The following FAM120A variants were observed in gnomAD, a reference collection of about 807,000 sequenced individuals.
FAM120A encodes family with sequence similarity 120 member A.
Under a neutral mutation model 109.7 loss-of-function variants are expected in FAM120A, and 15 were observed. That is an observed-to-expected ratio of 0.14 (90% confidence interval 0.09 to 0.21). FAM120A has a LOEUF of 0.21. FAM120A is among the 10% of genes least tolerant of loss of function. FAM120A has a pLI of 1.00. For missense variants in FAM120A, 899 were observed against 1,439.3 expected (o/e 0.62, Z 6.07); for synonymous variants, 493 against 572.8 (o/e 0.86, Z 1.99).
intron 10 of FAM120A, among the ~76,000 whole-genome samples, chr9:93,535,745 T>G (rs1177475082): frequency 6.6e-6 from 1 of 152,204 alleles, no homozygotes; most frequent in Non-Finnish European, 1.5e-5. Flanking sequence ...ATTATCACTG[T>G]AATTGGAACA....
In FAM120A at chr9:93,532,147, A is replaced by G. The variant is rs752408338; in HGVS notation, c.1735-8A>G. On this transcript the variant is annotated splice_polypyrimidine_tract_variant and splice_region_variant and intron_variant, in intron 9 of 17. Transcript: ENST00000277165. This position sits in a 1 kb window ranked among gnomAD's most constrained non-coding sequence, Gnocchi z 4.3. ...GTGCAATGTTATTCTGCTTTCTTCC[A>G]TGCAAAGGGTGAAATCAAAATTGCT... 3 of 1,612,904 alleles carry G rather than the reference A, an allele frequency of 1.9e-6. No individual in the cohort carries two copies. Among genetic ancestry groups the G allele is most frequent in the South Asian group, 1.1e-5 (1 of 90,874 alleles).
chr9:93,543,480 C>T lies in FAM120A; in HGVS notation c.2159+9C>T. ...CTCTGCTGCGTCTTACGGTGGGTGC[C>T]ATGCATGGGAGCTGGGACCTGGGTC... On this transcript the variant is annotated intron_variant, in intron 11 of 17. Coordinates refer to ENST00000277165, the MANE Select transcript of FAM120A (RefSeq NM_014612.5). The T allele has an allele frequency of 1.2e-6, 2 of 1,610,288 alleles. No individual in the cohort carries two copies. The highest frequency in any genetic ancestry group is 1.7e-6 in the Non-Finnish European group (2 of 1,176,884).
At chr9:93,559,525 G>A (rs1018674251) in intron 15 of FAM120A, among the ~76,000 whole-genome samples, 7 of 152,256 alleles carry the variant, frequency 4.6e-5, no homozygotes, top group African/African-American at 1.7e-4. Context: ...GTGACTTGCA[G>A]ATTTGGCGAC....
chr9:93,483,165 G>A (rs1005753834), intron 3 of FAM120A, among the ~76,000 whole-genome samples: 2 of 152,152 alleles, frequency 1.3e-5, no homozygotes, highest in African/African-American at 4.8e-5. Flanking sequence ...GGGTAGTTCT[G>A]AATTCTGTGA....
intron 10 of FAM120A, among the ~76,000 whole-genome samples, chr9:93,540,062 A>G (rs574662492): frequency 2.0e-4 from 30 of 152,316 alleles, no homozygotes; most frequent in African/African-American, 6.7e-4. Context: ...ATGTTTAATC[A>G]TCAGGACTGT....
Position 93,451,776 on chromosome 9 carries a change from C to A in FAM120A, c.-140C>A, listed in dbSNP as rs2131157966. ...GGCAGCACATGGCGGCCGCGGCGGCCATGAGCGCGCCCCCGACCCGCCCCA... is the reference window on the plus strand; with the variant it reads ...GGCAGCACATGGCGGCCGCGGCGGCAATGAGCGCGCCCCCGACCCGCCCCA... On this transcript the variant is annotated 5_prime_UTR_variant, in exon 1 of 18. Transcript: ENST00000277165. The A allele has an allele frequency of 2.0e-6, 2 of 981,320 alleles. No homozygotes were observed. Among genetic ancestry groups the A allele is most frequent in the Non-Finnish European group, 2.4e-6 (2 of 828,858 alleles). 60.8% of individuals were successfully genotyped at this position (981,320 alleles called of 1,614,324 possible). A position where few individuals can be genotyped will look rare whatever the true frequency, so the allele number is the denominator to read the frequency against.
intron 9 of FAM120A, chr9:93,530,425 A>C (rs1406410345): frequency 6.6e-6 from 1 of 152,194 alleles, no homozygotes; most frequent in Non-Finnish European, 1.5e-5. Context: ...TCTATTCTCT[A>C]CAACCCATCT....
intron 3 of FAM120A, among the ~76,000 whole-genome samples, chr9:93,495,936 T>C (rs973383924): frequency 4.6e-5 from 7 of 152,254 alleles, no homozygotes; most frequent in Non-Finnish European, 8.8e-5. Flanking sequence ...ACTAAGCTTA[T>C]GTCCTATTCT....
At chr9:93,474,172 G>A (rs1858443162) in intron 2 of FAM120A, among the ~76,000 whole-genome samples, 1 of 152,158 alleles carries the variant, frequency 6.6e-6, no homozygotes, top group Non-Finnish European at 1.5e-5. Flanking sequence ...AAGCTCCTAA[G>A]TTTTTGTTGT....
In FAM120A at chr9:93,550,673, T is replaced by A. The variant is rs1216269596; in HGVS notation, c.2256T>A (p.Asp752Glu). 2 of 1,613,822 alleles carry A rather than the reference T, an allele frequency of 1.2e-6. No individual in the cohort carries two copies. The highest frequency in any genetic ancestry group is 1.7e-6 in the Non-Finnish European group (2 of 1,179,936). ...TGTCCCCCAAACTCTACGAGCCTGA[T>A]CAGCTCCAGGAGCTCAAGGTAATTT... Reference protein sequence around the residue: ...QALSPKLYEPDQLQELKIENL... With the variant: ...QALSPKLYEPEQLQELKIENL... The change falls in exon 12 of 18, where the codon GAT (aspartate) becomes GAA (glutamate). Residue 752 changes from aspartate (D) to glutamate (E), a missense_variant. Coordinates refer to ENST00000277165, the MANE Select transcript of FAM120A (RefSeq NM_014612.5).
chr9:93,555,226 A>T (rs2131556402), intron 12 of FAM120A, among the ~76,000 whole-genome samples: 1 of 152,310 alleles, frequency 6.6e-6, no homozygotes, highest in East Asian at 1.9e-4. Context: ...GAAAAGGAGG[A>T]GCTGGTGATG....
At chr9:93,556,695 T>C (rs1425149203) in intron 13 of FAM120A, 104 bp downstream of exon 13, 1 of 1,254,248 alleles carries the variant, frequency 8.0e-7, no homozygotes, top group Non-Finnish European at 1.1e-6. Flanking sequence ...TGTTTCAAGA[T>C]TCTGTTTTAG....
At chr9:93,555,345 A>C (rs1774448092) in intron 12 of FAM120A, among the ~76,000 whole-genome samples, 1 of 152,242 alleles carries the variant, frequency 6.6e-6, no homozygotes, top group Non-Finnish European at 1.5e-5. Context: ...GTTGGGAAAC[A>C]GTGTTAGTTG....
intron 9 of FAM120A, chr9:93,529,841 A>C (rs1861259042): frequency 3.6e-6 from 2 of 559,754 alleles, no homozygotes; most frequent in Non-Finnish European, 6.3e-6. Flanking sequence ...GAAATAATGC[A>C]TCACATTATT....
chr9:93,495,455 C>T (rs1859533400), intron 3 of FAM120A, among the ~76,000 whole-genome samples: 1 of 152,206 alleles, frequency 6.6e-6, no homozygotes, highest in South Asian at 2.1e-4. Flanking sequence ...CTCTGCTGTT[C>T]TGCAGCCACC....
chr9:93,539,019 A>T (rs1441720063), intron 10 of FAM120A, among the ~76,000 whole-genome samples: 5 of 137,672 alleles, frequency 3.6e-5, no homozygotes, highest in African/African-American at 1.3e-4. Flanking sequence ...TTTTTTTGAG[A>T]CGGAGTCTCA....
intron 3 of FAM120A, among the ~76,000 whole-genome samples, chr9:93,478,252 T>C (rs1278306566): frequency 6.6e-6 from 1 of 151,708 alleles, no homozygotes; most frequent in Admixed American, 6.6e-5. Context: ...TAAGCCCATA[T>C]TCAAATTTTT....
At position 93,532,373 on chromosome 9, in the gene FAM120A, G is replaced by A. The variant is rs764664339; in HGVS notation, c.1909+44G>A. On this transcript the variant is annotated intron_variant, in intron 10 of 17. Transcript: ENST00000277165. The surrounding 1 kb of genome is among the most constrained non-coding windows in gnomAD (Gnocchi z 4.3). The stretch of plus-strand genomic sequence containing the variant: ...CATTGTTTGTTTTCCTCGGTACCTC[G>A]TAATCTCTTGTGCATTTTCTAAAGC... 8.8e-6 allele frequency: 14 copies of A among 1,594,040 alleles called. No individual in the cohort carries two copies. The highest frequency in any genetic ancestry group is 2.2e-5 in the South Asian group (2 of 90,358).
chr9:93,544,907 G>A (rs1015902810), intron 11 of FAM120A, among the ~76,000 whole-genome samples: 3 of 152,224 alleles, frequency 2.0e-5, no homozygotes, highest in African/African-American at 7.2e-5. Flanking sequence ...TTTTGTAACC[G>A]TCTCACATGG....
Sources: allele counts gnomAD v4.1 joint callset (sites outside exome capture counted in the v4.1 genomes callset), GRCh38; gene constraint gnomAD v4.1.1; non-coding constraint Gnocchi (gnomAD v3.1); transcripts MANE v1.5; gene names NCBI Gene and HGNC (gene_info 2026-07-23, HGNC 2026-07-21).